The following COL4A4 variants were observed in gnomAD, a reference collection of about 807,000 sequenced individuals.
The protein encoded by COL4A4 is collagen alpha-4(IV) chain.
A neutral mutation model predicts 192.9 loss-of-function variants in COL4A4; 105 were observed. The observed-to-expected ratio is 0.54, with a 90% CI of 0.46 to 0.64. COL4A4 has a LOEUF of 0.64. Ranked by LOEUF, COL4A4 falls within the 30% of genes least tolerant of loss-of-function variation. The probability of loss-of-function intolerance (pLI) is 0.00; values close to 1 mark genes in which losing one functional copy is unlikely to be tolerated. For missense variants in COL4A4, 1,967 were observed against 2,169.3 expected, an observed-to-expected ratio of 0.91 and a Z score of 1.85; for synonymous variants, 762 against 769.9, an observed-to-expected ratio of 0.99 and a Z score of 0.17.
intron 1 of COL4A4, among the ~76,000 whole-genome samples, chr2:227,149,889 G>T (rs2063810222): frequency 6.6e-6 from 1 of 152,194 alleles, no homozygotes; most frequent in African/African-American, 2.4e-5. Context: ...ACAGACGGAT[G>T]GATGGGCCAA....
At chr2:226,968,648 C>T in the COL4A4 span, among the ~76,000 whole-genome samples, 7 of 152,160 alleles carry the variant, frequency 4.6e-5, no homozygotes, top group East Asian at 1.9e-4. Flanking sequence ...TGAATGTTTG[C>T]GCACTCTCTC....
At chr2:227,101,766 A>C in intron 16 of COL4A4, 99 bp downstream of exon 16, 1 of 1,127,872 alleles carries the variant, frequency 8.9e-7, no homozygotes, top group Non-Finnish European at 1.3e-6. Context: ...CTGCCTTCCT[A>C]ATTACTGTGT....
At chr2:227,113,943 A>G (rs1256044588) in intron 8 of COL4A4, among the ~76,000 whole-genome samples, 1 of 152,184 alleles carries the variant, frequency 6.6e-6, no homozygotes, top group Non-Finnish European at 1.5e-5. Context: ...CATCATTTCC[A>G]CTGATCCCCA....
chr2:227,059,692 T>A (rs1976409408), intron 27 of COL4A4, 69 bp from the exon 28 acceptor site: 1 of 1,137,324 alleles, frequency 8.8e-7, no homozygotes, highest in Non-Finnish European at 1.3e-6. Flanking sequence ...ATATAAGACT[T>A]ACTTTGATAA....
chr2:227,140,312 C>A, intron 3 of COL4A4, 74 bp from the exon 4 acceptor site: 1 of 1,255,834 alleles, frequency 8.0e-7, no homozygotes, highest in Non-Finnish European at 1.2e-6. Context: ...TACATTATAA[C>A]AAGCACTCTT....
intron 1 of COL4A4, among the ~76,000 whole-genome samples, chr2:227,150,481 A>G (rs1419603393): frequency 2.6e-5 from 4 of 152,150 alleles, no homozygotes; most frequent in African/African-American, 9.7e-5. Flanking sequence ...CTCTTCTACT[A>G]AGAATTCTCT....
intron 29 of COL4A4, 106 bp downstream of exon 29, chr2:227,057,333 G>T: frequency 7.5e-7 from 1 of 1,328,686 alleles, no homozygotes; most frequent in Non-Finnish European, 1.0e-6. Flanking sequence ...CTTTGTCTCT[G>T]ACTCAGGACT....
At chr2:226,995,399 G>A in the COL4A4 span, 17 of 1,398,332 alleles carry the variant, frequency 1.2e-5, no homozygotes, top group Admixed American at 5.1e-5. Flanking sequence ...ACGTCAGAAT[G>A]ATTGATTTTT....
chr2:227,124,410 T>G (rs764935598), intron 4 of COL4A4, among the ~76,000 whole-genome samples: 3 of 152,230 alleles, frequency 2.0e-5, no homozygotes, highest in Admixed American at 2.0e-4. Context: ...TTGCTCACCA[T>G]TAAGTCATTA....
chr2:227,046,429 C>A, intron 35 of COL4A4, among the ~76,000 whole-genome samples: 1 of 151,888 alleles, frequency 6.6e-6, no homozygotes, highest in East Asian at 1.9e-4. Context: ...TGGCTGAGTG[C>A]CCTGGGATAT....
At chr2:227,041,707 GGAAGGAAGGGAGGAGGAAGGA>G (rs1559475015) in intron 37 of COL4A4, among the ~76,000 whole-genome samples, 7 of 118,040 alleles carry the variant, frequency 5.9e-5, no homozygotes, top group African/African-American at 2.2e-4. Flanking sequence ...AGAGAGAGAA[GGAAGGAAGGGAGGAGGAAGGA>G]AGGAAGGAAG....
chr2:227,102,643 T>C (rs2060588257), intron 15 of COL4A4, 146 bp downstream of exon 15: 1 of 729,072 alleles, frequency 1.4e-6, no homozygotes, highest in Non-Finnish European at 2.5e-6. Context: ...GATATTTAGA[T>C]ATTCCATAAT....
intron 8 of COL4A4, among the ~76,000 whole-genome samples, chr2:227,113,831 T>C (rs1301616025): frequency 6.6e-6 from 1 of 152,226 alleles, no homozygotes; most frequent in Non-Finnish European, 1.5e-5. Context: ...TAGGGTCTCA[T>C]AGAAGCAATC....
chr2:227,012,217 C>A lies in COL4A4; in HGVS notation c.4297G>T (p.Gly1433Cys). 6.2e-7 allele frequency: 1 copy of A among 1,614,148 alleles called. No individual in the cohort carries two copies. The highest frequency in any genetic ancestry group is 8.5e-7 in the Non-Finnish European group (1 of 1,179,990). The change falls in exon 45 of 48, where the codon GGT becomes TGT. Residue 1433 changes from glycine to cysteine, a missense_variant. Transcript: ENST00000396625. ...PGSPGPPGRK[G>C]DTGEDGYPGG... ...GGGTAGCCGTCTTCTCCTGTGTCACCTTTACGTCCGGGAGGCCCAGGAGAC... is the reference window on the plus strand; with the variant it reads ...GGGTAGCCGTCTTCTCCTGTGTCACATTTACGTCCGGGAGGCCCAGGAGAC...
intron 13 of COL4A4, 122 bp from the exon 14 acceptor site, chr2:227,103,319 A>T: frequency 1.3e-6 from 1 of 767,500 alleles, no homozygotes; most frequent in South Asian, 1.7e-5. Flanking sequence ...ATCTTAAGAG[A>T]TTACTCTTCA....
Position 227,032,171 on chromosome 2 carries a change from T to C in COL4A4, c.3683A>G (p.Lys1228Arg). Residue 1228 changes from lysine (K) to arginine (R), a missense_variant, in exon 39 of 48, where the codon AAG (lysine) becomes AGG (arginine). Lys to Arg is a conservative substitution (Grantham distance 26, BLOSUM62 2). Transcript: ENST00000396625. Reference sequence around the variant, plus strand: ...ACCTGGGGGTCCTGGGGGACCTTTCTTTCCACGAGGACCTGGAGGAGAGAT... The same window carrying C: ...ACCTGGGGGTCCTGGGGGACCTTTCCTTCCACGAGGACCTGGAGGAGAGAT... ...PGISPPGPRG[K>R]KGPPGPPGSS... 1.2e-6 allele frequency: 2 copies of C among 1,614,176 alleles called. No homozygotes were observed. The highest frequency in any genetic ancestry group is 2.2e-5 in the South Asian group (2 of 91,088).
chr2:227,059,674 AC>A (rs1475687105), intron 27 of COL4A4, 51 bp from the exon 28 acceptor site: 1 of 1,283,240 alleles, frequency 7.8e-7, no homozygotes, highest in African/African-American at 1.5e-5. Context: ...CAAGTATAGA[AC>A]CAATACATAT....
intron 26 of COL4A4, among the ~76,000 whole-genome samples, chr2:227,061,275 C>T (rs12151732): frequency 0.12 from 18,810 of 152,246 alleles, 1,558 homozygotes; most frequent in African/African-American, 0.23. Context: ...ATTATATTTC[C>T]GCACTCTTGC....
chr2:226,974,251 T>C, the COL4A4 span, among the ~76,000 whole-genome samples: 1 of 151,804 alleles, frequency 6.6e-6, no homozygotes, highest in Non-Finnish European at 1.5e-5. Flanking sequence ...TTTTATTTTA[T>C]TTTTGAGACA....
Sources: allele counts gnomAD v4.1 joint callset (sites outside exome capture counted in the v4.1 genomes callset), GRCh38; gene constraint gnomAD v4.1.1; transcripts MANE v1.5; gene names NCBI Gene and HGNC (gene_info 2026-07-23, HGNC 2026-07-21).